DIP2C: variants seen among roughly 807,000 people sequenced by gnomAD.
DIP2C encodes the protein disco-interacting protein 2 homolog C.
DIP2C carries 33 observed loss-of-function variants against 192.4 expected under a neutral mutation model. The ratio of observed to expected loss-of-function variants is 0.17; its 90% CI spans 0.13 to 0.23. The LOEUF (loss-of-function observed/expected upper bound fraction) is 0.23. DIP2C is among the 10% of genes least tolerant of loss of function. DIP2C has a pLI of 1.00. For synonymous variants in DIP2C, 979 were observed against 864.1 expected, an observed-to-expected ratio of 1.13 and a Z score of -2.33; for missense variants, 1,537 against 2,110.1, an observed-to-expected ratio of 0.73 and a Z score of 5.32.
In DIP2C at chr10:582,655, G is replaced by C. The variant is rs144496164; in HGVS notation, c.86-96125C>G. Among the ~76,000 whole-genome samples the C allele has an allele frequency of 2.1e-3, 315 of 152,318 alleles. 1 individual carries two copies. The highest frequency in any genetic ancestry group is 6.9e-3 in the African/African-American group (288 of 41,566). The stretch of plus-strand genomic sequence containing the variant: ...GTGGAGGAAACACCGCAGAAGACTA[G>C]AGAATGGTGTGATAGCGTTTCTATC... On this transcript the variant is annotated intron_variant, in intron 1 of 36. Coordinates refer to ENST00000280886, the MANE Select transcript of DIP2C (RefSeq NM_014974.3).
At chr10:625,834 A>G (rs1854166365) in intron 1 of DIP2C, among the ~76,000 whole-genome samples, 1 of 152,214 alleles carries the variant, frequency 6.6e-6, no homozygotes, top group African/African-American at 2.4e-5. Flanking sequence ...TTACTTTTAA[A>G]TGAGGGCACC....
chr10:617,019 A>G (rs964944661), intron 1 of DIP2C, among the ~76,000 whole-genome samples: 17 of 151,670 alleles, frequency 1.1e-4, no homozygotes, highest in African/African-American at 3.4e-4. Flanking sequence ...GAGATTTCAC[A>G]TAAAATGCGT....
chr10:633,118 CA>C (rs1420972279), intron 1 of DIP2C, among the ~76,000 whole-genome samples: 3 of 152,234 alleles, frequency 2.0e-5, no homozygotes, highest in Non-Finnish European at 4.4e-5. Flanking sequence ...CAACCGGGAT[CA>C]ATTTTTTAAT....
intron 3 of DIP2C, among the ~76,000 whole-genome samples, chr10:471,185 G>A (rs974327802): frequency 2.0e-5 from 3 of 152,158 alleles, no homozygotes; most frequent in Non-Finnish European, 2.9e-5. Context: ...AAGGCAGCAG[G>A]GGCGCCCAGG....
chr10:314,647 C>CT (rs1354856853), intron 31 of DIP2C, among the ~76,000 whole-genome samples: 1 of 152,230 alleles, frequency 6.6e-6, no homozygotes, highest in Admixed American at 6.5e-5. Flanking sequence ...ATACGAGTCC[C>CT]TCTGTGCTCG....
Position 651,577 on chromosome 10 carries a change from G to A in DIP2C, c.85+37917C>T. ...CTTTCCAGTTAAATGTTGTTAAGCA[G>A]TATTTCCCCCAAAAGGTGCATCTTT... On this transcript the variant is annotated intron_variant, in intron 1 of 36. Transcript: ENST00000280886. The surrounding 1 kb of genome is among the most constrained non-coding windows in gnomAD (Gnocchi z 4.1). The A allele has an allele frequency of 2.5e-6, 1 of 394,828 alleles. No homozygotes were observed. Among genetic ancestry groups the A allele is most frequent in the Non-Finnish European group, 4.8e-6 (1 of 206,894 alleles). 24.5% of individuals were successfully genotyped at this position (394,828 alleles called of 1,614,324 possible).
At chr10:501,015 T>C (rs1379538724) in intron 1 of DIP2C, among the ~76,000 whole-genome samples, 2 of 152,224 alleles carry the variant, frequency 1.3e-5, no homozygotes, top group African/African-American at 2.4e-5. Flanking sequence ...AGAAGTTATA[T>C]GTAATAAGCT....
chr10:392,937 C>G lies in DIP2C; in HGVS notation c.1261-2074G>C, dbSNP rs138309374. Among the ~76,000 whole-genome samples, 320 of 152,304 alleles carry G rather than the reference C, an allele frequency of 2.1e-3. 5 individuals are homozygous for G. The highest frequency in any genetic ancestry group is 6.8e-3 in the African/African-American group (284 of 41,574). On this transcript the variant is annotated intron_variant, in intron 10 of 36. Transcript: ENST00000280886. ...ACACTCAACAAAGAAAGGGACCAGA[C>G]AGATGGACCCTGCACACAGCACCTG...
intron 1 of DIP2C, among the ~76,000 whole-genome samples, chr10:682,220 G>A (rs1446984478): frequency 6.6e-6 from 1 of 152,204 alleles, no homozygotes; most frequent in East Asian, 1.9e-4. Context: ...CCTGCGCTGG[G>A]CACACTGGGG....
chr10:512,731 T>C (rs1846094695), intron 1 of DIP2C, among the ~76,000 whole-genome samples: 1 of 152,064 alleles, frequency 6.6e-6, no homozygotes, highest in Admixed American at 6.5e-5. Flanking sequence ...CTGGCCAATA[T>C]GGCAAAACCC....
At chr10:661,898 C>T in intron 1 of DIP2C, 1 of 624,724 alleles carries the variant, frequency 1.6e-6, no homozygotes, top group Non-Finnish European at 2.9e-6. Flanking sequence ...CAACGCCGAC[C>T]TCAGGGTGTA....
chr10:507,236 G>A (rs1475017296), intron 1 of DIP2C, among the ~76,000 whole-genome samples: 3 of 150,312 alleles, frequency 2.0e-5, no homozygotes, highest in East Asian at 2.0e-4. Flanking sequence ...GTGCACAGAG[G>A]CGTGAGGTTA....
chr10:277,202 TC>T lies in DIP2C; in HGVS notation c.*122del. On this transcript the variant is annotated 3_prime_UTR_variant, in exon 37 of 37. Transcript: ENST00000280886. ...GAAGTCCTCTTCCTCCTCCTCTTCC[TC>T]CTCCACTCTCACCACAAATGGCTGT... 1 of 1,427,762 alleles carries T rather than the reference TC, an allele frequency of 7.0e-7. No homozygotes were observed. Among genetic ancestry groups the T allele is most frequent in the Non-Finnish European group, 9.4e-7 (1 of 1,059,898 alleles). The allele number at this position is 1,427,762 out of a possible 1,614,324, so 88.4% of individuals were successfully genotyped here.
At chr10:400,140 G>A (rs1964300623) in intron 9 of DIP2C, among the ~76,000 whole-genome samples, 1 of 150,768 alleles carries the variant, frequency 6.6e-6, no homozygotes, top group African/African-American at 2.5e-5. Context: ...GAACTCCTGG[G>A]CTCCAGTGAT....
At chr10:355,888 C>T (rs746472736) in intron 24 of DIP2C, among the ~76,000 whole-genome samples, 1 of 152,100 alleles carries the variant, frequency 6.6e-6, no homozygotes, top group Non-Finnish European at 1.5e-5. Context: ...ACCATCCTCG[C>T]CAACATGGTG....
At chr10:310,158 C>T (rs900227190) in intron 31 of DIP2C, 66 bp from the exon 32 acceptor site, 3 of 1,395,876 alleles carry the variant, frequency 2.1e-6, no homozygotes, top group African/African-American at 2.9e-5. Flanking sequence ...TGTGCTTCTA[C>T]TAGTTAGGAA....
intron 1 of DIP2C, among the ~76,000 whole-genome samples, chr10:601,675 C>A (rs1269585837): frequency 6.6e-6 from 1 of 152,220 alleles, no homozygotes. Flanking sequence ...CCACGAAGGA[C>A]CATTTCAAGG....
At chr10:541,939 G>T (rs920823378) in intron 1 of DIP2C, among the ~76,000 whole-genome samples, 1 of 150,358 alleles carries the variant, frequency 6.7e-6, no homozygotes, top group Non-Finnish European at 1.5e-5. Context: ...TGTGTGCCTG[G>T]TGCACTGAGC....
At chr10:386,550 C>T (rs1458396170) in intron 14 of DIP2C, among the ~76,000 whole-genome samples, 1 of 152,192 alleles carries the variant, frequency 6.6e-6, no homozygotes, top group Non-Finnish European at 1.5e-5. Context: ...TGGGAACACG[C>T]TGCTCCATCT....
Sources: gnomAD v4.1 joint callset for allele counts (sites outside exome capture counted in the v4.1 genomes callset) on GRCh38, gnomAD v4.1.1 for gene constraint, Gnocchi (gnomAD v3.1) non-coding constraint, MANE v1.5 for transcripts, NCBI Gene and HGNC (gene_info 2026-07-23, HGNC 2026-07-21) for gene names.